LRRIQ3: variants seen among roughly 807,000 people sequenced by gnomAD.
LRRIQ3 encodes the protein leucine-rich repeat and IQ domain-containing protein 3.
LRRIQ3 carries 75 observed loss-of-function variants against 59.3 expected under a neutral mutation model. The observed-to-expected ratio is 1.26, with a 90% CI of 1.05 to 1.53. LRRIQ3 has a LOEUF of 1.53. LRRIQ3 is among the 40% of genes most tolerant of loss of function. The probability of loss-of-function intolerance (pLI) is 0.00; values close to 1 mark genes in which losing one functional copy is unlikely to be tolerated. For synonymous variants in LRRIQ3, 250 were observed against 231.3 expected (o/e 1.08, Z -0.73); for missense variants, 831 against 710.0 (o/e 1.17, Z -1.94).
rs1268551740 is a variant in LRRIQ3 at position 74,155,718 on chromosome 1, G to A, written c.707+15C>T. 3 of 1,554,478 alleles carry A rather than the reference G, an allele frequency of 1.9e-6. No homozygotes were observed. The highest frequency in any genetic ancestry group is 2.4e-5 in the East Asian group (1 of 42,330). ...CTTATTTCAATATTCAAATGGTAAA[G>A]AAAACAAAACATACCTCAAATTTTT... On this transcript the variant is annotated intron_variant, in intron 4 of 7. Transcript: ENST00000354431.
intron 6 of LRRIQ3, 115 bp from the exon 7 acceptor site, chr1:74,042,048 A>G (rs1654064615): frequency 9.4e-7 from 1 of 1,066,702 alleles, no homozygotes; most frequent in Admixed American, 3.6e-5. Context: ...TACTAAGAAG[A>G]ATTTTTCCCA....
rs184708713 is a variant in LRRIQ3, at chr1:74,196,922, A to C, written c.-1+1074T>G. On this transcript the variant is annotated intron_variant, in intron 1 of 7. Transcript: ENST00000354431. ...GAGTGATCTCTTTAAACATAAGCCA[A>C]GTCACTTCAAAACCCTGCAATGGCT... 1.4e-3 allele frequency among the ~76,000 whole-genome samples: 218 copies of C among 152,260 alleles called. 1 individual carries two copies. Among genetic ancestry groups the C allele is most frequent in the African/African-American group, 4.9e-3 (205 of 41,562 alleles).
intron 4 of LRRIQ3, among the ~76,000 whole-genome samples, chr1:74,133,048 G>A (rs1647052767): frequency 6.6e-6 from 1 of 151,910 alleles, no homozygotes; most frequent in Admixed American, 6.6e-5. Flanking sequence ...TCAAAAAGTG[G>A]GCAAATATGA....
intron 4 of LRRIQ3, among the ~76,000 whole-genome samples, chr1:74,143,604 C>T (rs1199085585): frequency 6.6e-6 from 1 of 151,384 alleles, no homozygotes; most frequent in African/African-American, 2.4e-5. Context: ...CTTCAATATA[C>T]CTAACTTTTA....
At chr1:74,101,032 TG>T (rs1180446331) in intron 5 of LRRIQ3, among the ~76,000 whole-genome samples, 1 of 152,036 alleles carries the variant, frequency 6.6e-6, no homozygotes, top group East Asian at 1.9e-4. Context: ...CCAAAACCAA[TG>T]GCAACAAAAG....
At chr1:74,162,313 T>C (rs1329623559) in intron 3 of LRRIQ3, among the ~76,000 whole-genome samples, 1 of 151,780 alleles carries the variant, frequency 6.6e-6, no homozygotes, top group Non-Finnish European at 1.5e-5. Flanking sequence ...ATCAACAAAT[T>C]AACTATAAAA....
At chr1:74,049,931 T>C (rs1306370570) in intron 6 of LRRIQ3, among the ~76,000 whole-genome samples, 1 of 149,578 alleles carries the variant, frequency 6.7e-6, no homozygotes, top group African/African-American at 2.4e-5. Context: ...TTTTCTTTTT[T>C]TTTTTTTTTT....
chr1:74,114,990 T>C (rs1286553760), intron 4 of LRRIQ3, among the ~76,000 whole-genome samples: 1 of 151,986 alleles, frequency 6.6e-6, no homozygotes, highest in East Asian at 1.9e-4. Context: ...TTAAATATAA[T>C]CTTTAATTTT....
chr1:74,076,759 G>T (rs1646214805), intron 5 of LRRIQ3, among the ~76,000 whole-genome samples: 1 of 151,968 alleles, frequency 6.6e-6, no homozygotes, highest in Non-Finnish European at 1.5e-5. Flanking sequence ...GACTCATAGG[G>T]TAAGGGCTTT....
intron 5 of LRRIQ3, among the ~76,000 whole-genome samples, chr1:74,087,663 C>T (rs541367580): frequency 2.6e-5 from 4 of 152,080 alleles, no homozygotes; most frequent in Non-Finnish European, 5.9e-5. Flanking sequence ...TGTATTGATA[C>T]TTATATCTAT....
rs6657692 is a variant in LRRIQ3 at position 74,146,664 on chromosome 1, C to A, written c.707+9069G>T. Reference sequence around the variant, plus strand: ...TTATTTTATTTTATTTGGTTATGATCCATGAAATATGGGCCTGAGTCCTGT... The same window carrying A: ...TTATTTTATTTTATTTGGTTATGATACATGAAATATGGGCCTGAGTCCTGT... On this transcript the variant is annotated intron_variant, in intron 4 of 7. Coordinates refer to ENST00000354431, the MANE Select transcript of LRRIQ3 (RefSeq NM_001105659.2). 7.3e-3 allele frequency among the ~76,000 whole-genome samples: 1,104 copies of A among 152,190 alleles called. 10 individuals carry two copies. The highest frequency in any genetic ancestry group is 0.025 in the African/African-American group (1,025 of 41,524).
intron 4 of LRRIQ3, among the ~76,000 whole-genome samples, chr1:74,121,088 A>C (rs189816613): frequency 3.3e-5 from 5 of 152,316 alleles, no homozygotes; most frequent in Admixed American, 1.3e-4. Context: ...TGCAGGAATA[A>C]TTTAAACAAT....
At chr1:74,028,700 G>A (rs370971521) in intron 7 of LRRIQ3, among the ~76,000 whole-genome samples, 58 of 151,488 alleles carry the variant, frequency 3.8e-4, no homozygotes, top group Middle Eastern at 3.4e-3. Flanking sequence ...TATTTAAGTT[G>A]TCTCTGTATT....
At chr1:74,038,532 T>G (rs1042258023) in intron 7 of LRRIQ3, among the ~76,000 whole-genome samples, 1 of 152,172 alleles carries the variant, frequency 6.6e-6, no homozygotes, top group African/African-American at 2.4e-5. Flanking sequence ...ACAGGGATTG[T>G]CAGACACCCT....
chr1:74,072,914 T>C (rs540221114), intron 6 of LRRIQ3, among the ~76,000 whole-genome samples: 29 of 152,274 alleles, frequency 1.9e-4, no homozygotes, highest in African/African-American at 6.5e-4. Context: ...ATTTTCAAAG[T>C]ATAAATATAA....
intron 4 of LRRIQ3, among the ~76,000 whole-genome samples, chr1:74,140,435 C>G (rs1427507448): frequency 6.6e-6 from 1 of 151,356 alleles, no homozygotes; most frequent in East Asian, 1.9e-4. Flanking sequence ...TTTGACCTAA[C>G]TATAATGAAA....
intron 4 of LRRIQ3, among the ~76,000 whole-genome samples, chr1:74,147,738 C>T (rs1647669280): frequency 6.6e-6 from 1 of 152,136 alleles, no homozygotes; most frequent in African/African-American, 2.4e-5. Context: ...TGTCTTTTGT[C>T]AGTTTAACTA....
chr1:74,119,650 A>C (rs568397368), intron 4 of LRRIQ3, among the ~76,000 whole-genome samples: 9 of 152,236 alleles, frequency 5.9e-5, no homozygotes, highest in Non-Finnish European at 7.4e-5. Context: ...TTAGAAAGAT[A>C]AACAATTTTA....
intron 3 of LRRIQ3, among the ~76,000 whole-genome samples, chr1:74,162,000 A>G (rs985731697): frequency 6.6e-6 from 1 of 151,880 alleles, no homozygotes; most frequent in Non-Finnish European, 1.5e-5. Context: ...ACATTTGTTT[A>G]AATCTTAGTT....
Sources: allele counts gnomAD v4.1 joint callset (sites outside exome capture counted in the v4.1 genomes callset), GRCh38; gene constraint gnomAD v4.1.1; transcripts MANE v1.5; gene names NCBI Gene and HGNC (gene_info 2026-07-23, HGNC 2026-07-21).